CNTNAP5: variants seen among roughly 807,000 people sequenced by gnomAD.
The protein encoded by CNTNAP5 is contactin-associated protein-like 5.
Under a neutral mutation model 150.2 loss-of-function variants are expected in CNTNAP5, and 72 were observed. That is an observed-to-expected ratio of 0.48 (90% CI 0.40 to 0.58). The LOEUF (loss-of-function observed/expected upper bound fraction) is 0.58, where lower values mean the gene tolerates loss of function less well. CNTNAP5 is among the 20% of genes least tolerant of loss of function. CNTNAP5 has a pLI of 0.00. For synonymous variants in CNTNAP5, 672 were observed against 619.8 expected (o/e 1.08, Z -1.25); for missense variants, 1,636 against 1,626.2 (o/e 1.01, Z -0.10).
At chr2:124,841,160 C>A (rs974005337) in intron 19 of CNTNAP5, among the ~76,000 whole-genome samples, 1 of 151,982 alleles carries the variant, frequency 6.6e-6, no homozygotes, top group Non-Finnish European at 1.5e-5. Context: ...TCTAAGCCAC[C>A]ATTCACAGTA....
intron 10 of CNTNAP5, among the ~76,000 whole-genome samples, chr2:124,546,977 A>C (rs1695526626): frequency 6.6e-6 from 1 of 152,190 alleles, no homozygotes; most frequent in Admixed American, 6.5e-5. Flanking sequence ...TAGAGAAGTT[A>C]ACTTTATTTT....
intron 3 of CNTNAP5, among the ~76,000 whole-genome samples, chr2:124,274,998 A>G (rs1465850937): frequency 3.3e-5 from 5 of 152,186 alleles, no homozygotes; most frequent in Non-Finnish European, 5.9e-5. Flanking sequence ...TGGCCTCACA[A>G]TCATGGTGGA....
intron 11 of CNTNAP5, among the ~76,000 whole-genome samples, chr2:124,588,300 C>T (rs1258710268): frequency 6.6e-6 from 1 of 150,858 alleles, no homozygotes; most frequent in Non-Finnish European, 1.5e-5. Flanking sequence ...TTTTAACTTG[C>T]AAAAGAATTA....
At chr2:124,769,661 T>C (rs775680270) in intron 16 of CNTNAP5, among the ~76,000 whole-genome samples, 1 of 152,186 alleles carries the variant, frequency 6.6e-6, no homozygotes, top group Non-Finnish European at 1.5e-5. Flanking sequence ...TCTCACATTG[T>C]TTTCAGGCAT....
rs1325309586 is a variant in CNTNAP5, at chr2:124,918,000, A to C, written c.*3712A>C. 2.6e-5 allele frequency among the ~76,000 whole-genome samples: 4 copies of C among 152,134 alleles called. No individual in the cohort carries two copies. The highest frequency in any genetic ancestry group is 9.6e-5 in the African/African-American group (4 of 41,454). ...CTCCTCCTCAAAGTAGATATCTATC[A>C]ATGCATATAGATTTCTGTAGAAAGG... On this transcript the variant is annotated 3_prime_UTR_variant, in exon 24 of 24. Coordinates refer to ENST00000682447, the MANE Select transcript of CNTNAP5 (RefSeq NM_001367498.1).
intron 11 of CNTNAP5, among the ~76,000 whole-genome samples, chr2:124,580,920 A>C (rs1290287755): frequency 6.6e-6 from 1 of 152,230 alleles, no homozygotes; most frequent in Non-Finnish European, 1.5e-5. Context: ...AGTGAGGAGA[A>C]GCGAGGCCTT....
chr2:124,555,865 T>C (rs775639373), intron 10 of CNTNAP5, among the ~76,000 whole-genome samples: 1 of 152,186 alleles, frequency 6.6e-6, no homozygotes, highest in Non-Finnish European at 1.5e-5. Context: ...TCCTTTCCCA[T>C]TGGGAATTTG....
At chr2:124,660,943 C>CAA (rs34511096) in intron 13 of CNTNAP5, among the ~76,000 whole-genome samples, 165 of 104,138 alleles carry the variant, frequency 1.6e-3, no homozygotes, top group African/African-American at 5.8e-3. Flanking sequence ...GACTGGGTCT[C>CAA]AAAAAAAAAA....
At chr2:124,835,853 A>G (rs1470804190) in intron 19 of CNTNAP5, among the ~76,000 whole-genome samples, 1 of 152,154 alleles carries the variant, frequency 6.6e-6, no homozygotes, top group African/African-American at 2.4e-5. Context: ...CTGACTTACT[A>G]AAAACAATAC....
intron 13 of CNTNAP5, among the ~76,000 whole-genome samples, chr2:124,734,309 G>A (rs1455458514): frequency 6.6e-6 from 1 of 151,930 alleles, no homozygotes; most frequent in Non-Finnish European, 1.5e-5. Flanking sequence ...ATCTTCCCAT[G>A]GAAACAAATG....
At chr2:124,356,362 T>A in intron 3 of CNTNAP5, among the ~76,000 whole-genome samples, 1 of 151,272 alleles carries the variant, frequency 6.6e-6, no homozygotes, top group East Asian at 1.9e-4. Context: ...ATTGTGCAGG[T>A]TAGTTACATA....
At chr2:124,399,066 T>G (rs1352146930) in intron 3 of CNTNAP5, among the ~76,000 whole-genome samples, 1 of 152,224 alleles carries the variant, frequency 6.6e-6, no homozygotes, top group African/African-American at 2.4e-5. Context: ...AGATTTTTCC[T>G]CCTTTCTCTC....
At chr2:124,493,702 T>A (rs1174729548) in intron 7 of CNTNAP5, among the ~76,000 whole-genome samples, 2 of 152,070 alleles carry the variant, frequency 1.3e-5, no homozygotes, top group African/African-American at 4.8e-5. Flanking sequence ...CTTCCTATGT[T>A]ATAAATATTA....
chr2:124,026,592 G>T (rs1203293291), intron 1 of CNTNAP5, among the ~76,000 whole-genome samples: 2 of 152,180 alleles, frequency 1.3e-5, no homozygotes, highest in Non-Finnish European at 2.9e-5. Flanking sequence ...GCCTCTCTAG[G>T]CAGAGAAAGG....
chr2:124,707,033 AAGAAGAAGG>A (rs1427668324), intron 13 of CNTNAP5, among the ~76,000 whole-genome samples: 2 of 104,306 alleles, frequency 1.9e-5, no homozygotes, highest in African/African-American at 6.3e-5. Flanking sequence ...GAAGAAGAAG[AAGAAGAAGG>A]AGGAGGAGGA....
At chr2:124,557,450 C>G (rs1558952848) in intron 10 of CNTNAP5, among the ~76,000 whole-genome samples, 1 of 152,142 alleles carries the variant, frequency 6.6e-6, no homozygotes, top group Admixed American at 6.6e-5. Context: ...CTGTGACAAA[C>G]TGAAGAGGCT....
chr2:124,855,959 C>T (rs768345852), intron 19 of CNTNAP5, among the ~76,000 whole-genome samples: 2 of 152,054 alleles, frequency 1.3e-5, no homozygotes, highest in African/African-American at 2.4e-5. Flanking sequence ...TGAGAACTTA[C>T]AATGTTTGGT....
At chr2:124,834,320 C>T (rs897618617) in intron 19 of CNTNAP5, among the ~76,000 whole-genome samples, 7 of 152,228 alleles carry the variant, frequency 4.6e-5, no homozygotes, top group African/African-American at 1.4e-4. Flanking sequence ...TACATATGCA[C>T]AAATGATATT....
At chr2:124,852,698 A>C (rs1178861970) in intron 19 of CNTNAP5, among the ~76,000 whole-genome samples, 1 of 152,178 alleles carries the variant, frequency 6.6e-6, no homozygotes, top group Non-Finnish European at 1.5e-5. Context: ...AATCTGGGAG[A>C]CAAGTTCAGA....
Sources: gnomAD v4.1 joint callset for allele counts (sites outside exome capture counted in the v4.1 genomes callset) on GRCh38, gnomAD v4.1.1 for gene constraint, MANE v1.5 for transcripts, NCBI Gene and HGNC (gene_info 2026-07-23, HGNC 2026-07-21) for gene names.